ANKRD28: variants seen among roughly 807,000 people sequenced by gnomAD.
The protein encoded by ANKRD28 is serine/threonine-protein phosphatase 6 regulatory ankyrin repeat subunit A.
In ANKRD28, 44 loss-of-function variants were observed where a neutral mutation model predicts 126.5. The ratio of observed to expected loss-of-function variants is 0.35; its 90% CI spans 0.27 to 0.45. The LOEUF (loss-of-function observed/expected upper bound fraction) is 0.45. ANKRD28 is among the 20% of genes least tolerant of loss of function. The pLI, the probability that ANKRD28 is intolerant of heterozygous loss-of-function variation, is 1.00. For synonymous variants in ANKRD28, 442 were observed against 468.5 expected (o/e 0.94, Z 0.73); for missense variants, 1,110 against 1,316.6 (o/e 0.84, Z 2.43).
chr3:15,720,614 G>A (rs2073616700), intron 8 of ANKRD28, among the ~76,000 whole-genome samples: 1 of 152,066 alleles, frequency 6.6e-6, no homozygotes, highest in African/African-American at 2.4e-5. Context: ...ATCACATAAC[G>A]TCCCTTCATG....
intron 18 of ANKRD28, among the ~76,000 whole-genome samples, chr3:15,689,383 A>G (rs2068516152): frequency 6.6e-6 from 1 of 152,222 alleles, no homozygotes; most frequent in South Asian, 2.1e-4. Context: ...AGAATTGGCC[A>G]ATGTTAGCAT....
At chr3:15,715,809 C>G (rs1237546716) in intron 8 of ANKRD28, among the ~76,000 whole-genome samples, 7 of 151,952 alleles carry the variant, frequency 4.6e-5, no homozygotes, top group Non-Finnish European at 1.0e-4. Flanking sequence ...GATAACACAT[C>G]AGTGCTTCTC....
exon 1 of ANKRD28, chr3:15,859,392 G>A (rs1351873033): frequency 1.3e-6 from 2 of 1,529,302 alleles, no homozygotes; most frequent in Non-Finnish European, 1.8e-6. Context: ...CACGGAGTTT[G>A]AGGAACGCCA....
At chr3:15,675,833 T>C (rs2125642828) in intron 27 of ANKRD28, 65 bp downstream of exon 27, 4 of 1,307,490 alleles carry the variant, frequency 3.1e-6, no homozygotes, top group Non-Finnish European at 4.1e-6. Flanking sequence ...AGTTTATTTC[T>C]CTTCAAATAT....
chr3:15,803,233 G>C (rs1196733713), intron 1 of ANKRD28, among the ~76,000 whole-genome samples: 3 of 152,206 alleles, frequency 2.0e-5, no homozygotes, highest in Non-Finnish European at 4.4e-5. Flanking sequence ...TAGAAGAATG[G>C]AAGTCAAAGG....
intron 1 of ANKRD28, among the ~76,000 whole-genome samples, chr3:15,823,040 T>C (rs935444717): frequency 2.6e-5 from 4 of 152,118 alleles, no homozygotes; most frequent in Admixed American, 2.0e-4. Context: ...ACCCAAGAAA[T>C]AGAAAACTGA....
At position 15,696,245 on chromosome 3, in the gene ANKRD28, C is replaced by T; in HGVS notation, c.1548G>A (p.Lys516=). 8 of 1,546,576 alleles carry T rather than the reference C, an allele frequency of 5.2e-6. No individual in the cohort carries two copies. The highest frequency in any genetic ancestry group is 7.1e-6 in the Non-Finnish European group (8 of 1,132,424). Residue 516 remains lysine, a splice_region_variant and synonymous_variant, in exon 15 of 28, where the codon AAG becomes AAA. Transcript: ENST00000683139. ...HYAATSDTDG[K]CLEYLLRNDA... is the part of the protein sequence containing the mutation. ...CGTTTCTTAATAAGTATTCCAGGCA[C>T]CTATATACAACAACAACAACATACT...
At position 15,812,531 on chromosome 3, in the gene ANKRD28, CTG is replaced by C. The variant is rs1157544923; in HGVS notation, c.28-17227_28-17226del. ...ACTGGCTATATAATACTGAGGGTAT[CTG>C]CTATTTGTTACCATTTTCTTAATCA... On this transcript the variant is annotated intron_variant, in intron 1 of 27. Transcript: ENST00000399451. The surrounding 1 kb of genome is among the most constrained non-coding windows in gnomAD (Gnocchi z 4.1). Among the ~76,000 whole-genome samples the C allele has an allele frequency of 6.6e-6, 1 of 152,204 alleles. No individual in the cohort carries two copies. Among genetic ancestry groups the C allele is most frequent in the Non-Finnish European group, 1.5e-5 (1 of 68,028 alleles).
chr3:15,780,113 T>A (rs913046624), intron 2 of ANKRD28, among the ~76,000 whole-genome samples: 6 of 151,916 alleles, frequency 3.9e-5, no homozygotes, highest in African/African-American at 1.4e-4. Context: ...GGCATCCTAA[T>A]AAAAAAGAAA....
At chr3:15,728,652 C>G (rs1254382011) in intron 6 of ANKRD28, among the ~76,000 whole-genome samples, 4 of 152,160 alleles carry the variant, frequency 2.6e-5, no homozygotes, top group Non-Finnish European at 4.4e-5. Context: ...TTGCCTATTG[C>G]TGTATTTACT....
chr3:15,859,602 C>CCTCCTCA, exon 1 of ANKRD28: 1 of 200,284 alleles, frequency 5.0e-6, no homozygotes, highest in Non-Finnish European at 9.1e-6. Context: ...GCCGCCGCCG[C>CCTCCTCA]CGCCGCCGAG....
In ANKRD28 at chr3:15,796,523, C is replaced by T. The variant is rs755946264; in HGVS notation, c.-2G>A. ...AACAACAATACACACTCGACTCATT[C>T]GATCTTTTAAAACACTAAATTCCAA... On this transcript the variant is annotated 5_prime_UTR_variant, in exon 1 of 28. Transcript: ENST00000683139. 2 of 1,280,886 alleles carry T rather than the reference C, an allele frequency of 1.6e-6. No homozygotes were observed. Among genetic ancestry groups the T allele is most frequent in the South Asian group, 1.3e-5 (1 of 79,540 alleles). 79.3% of individuals were successfully genotyped at this position (1,280,886 alleles called of 1,614,324 possible). A position where few individuals can be genotyped will look rare whatever the true frequency, so the allele number is the denominator to read the frequency against.
intron 8 of ANKRD28, 88 bp downstream of exon 8, chr3:15,720,827 T>C (rs2073648891): frequency 2.6e-6 from 3 of 1,176,248 alleles, no homozygotes; most frequent in Non-Finnish European, 3.6e-6. Context: ...TTATCAATAT[T>C]CCTTTTTATT....
Position 15,853,512 on chromosome 3 carries a change from C to T in ANKRD28, c.27+5865G>A, listed in dbSNP as rs1198164828. Among the ~76,000 whole-genome samples the T allele has an allele frequency of 6.6e-6, 1 of 152,004 alleles. No homozygotes were observed. Among genetic ancestry groups the T allele is most frequent in the East Asian group, 1.9e-4 (1 of 5,198 alleles). On this transcript the variant is annotated intron_variant, in intron 1 of 27. Coordinates refer to the ANKRD28 transcript ENST00000399451. This position sits in a 1 kb window ranked among gnomAD's most constrained non-coding sequence, Gnocchi z 4.2. The stretch of plus-strand genomic sequence containing the variant: ...TGAGATGGAGTCTCATTCTGTCGCC[C>T]AGGCTGGAGTGCAGTAGTACGATTC...
At chr3:15,800,120 A>G (rs184931604), upstream of ANKRD28, among the ~76,000 whole-genome samples, 9 of 152,220 alleles carry the variant, frequency 5.9e-5, no homozygotes, top group African/African-American at 2.2e-4. Flanking sequence ...CTGAAGTTCA[A>G]TTCTGCTTCC....
At position 15,796,770 on chromosome 3, in the gene ANKRD28, G is replaced by A; in HGVS notation, c.-249C>T. On this transcript the variant is annotated 5_prime_UTR_variant, in exon 1 of 28. Transcript: ENST00000683139. The stretch of plus-strand genomic sequence containing the variant: ...TCTGTTGGATTACTGCAATACTTAA[G>A]AAGAAATTTCACACCAACATGTCAA... 1.0e-6 allele frequency: 1 copy of A among 988,358 alleles called. No individual in the cohort carries two copies. Among genetic ancestry groups the A allele is most frequent in the Non-Finnish European group, 1.2e-6 (1 of 831,622 alleles). 61.2% of individuals were successfully genotyped at this position (988,358 alleles called of 1,614,324 possible). A position where few individuals can be genotyped will look rare whatever the true frequency, so the allele number is the denominator to read the frequency against.
At chr3:15,775,481 A>G (rs908253556) in intron 2 of ANKRD28, among the ~76,000 whole-genome samples, 5 of 152,182 alleles carry the variant, frequency 3.3e-5, no homozygotes, top group African/African-American at 1.2e-4. Context: ...GTGAGTGCTC[A>G]GTCCCAAAAG....
chr3:15,811,750 G>A (rs777633762), intron 1 of ANKRD28, among the ~76,000 whole-genome samples: 3 of 151,700 alleles, frequency 2.0e-5, no homozygotes, highest in Non-Finnish European at 2.9e-5. Context: ...ACTGCGCCTG[G>A]CCAGGGACAA....
intron 8 of ANKRD28, among the ~76,000 whole-genome samples, chr3:15,714,914 C>A (rs1168187569): frequency 6.6e-6 from 1 of 152,084 alleles, no homozygotes; most frequent in Non-Finnish European, 1.5e-5. Context: ...AAGGATGTGT[C>A]TCCCAAGTTT....
Sources: allele counts gnomAD v4.1 joint callset (sites outside exome capture counted in the v4.1 genomes callset), GRCh38; gene constraint gnomAD v4.1.1; non-coding constraint Gnocchi (gnomAD v3.1); transcripts MANE v1.5; gene names NCBI Gene and HGNC (gene_info 2026-07-23, HGNC 2026-07-21).